Variants in ELFN2 observed in about 807,000 individuals in gnomAD.
ELFN2 encodes the protein extracellular leucine rich repeat and fibronectin type III domain containing 2, also known as protein phosphatase 1 regulatory subunit 29.
Under a neutral mutation model 45.5 loss-of-function variants are expected in ELFN2, and 17 were observed. The ratio of observed to expected loss-of-function variants is 0.37; its 90% CI spans 0.26 to 0.56. The LOEUF is 0.56. ELFN2 is among the 20% of genes least tolerant of loss of function. The probability of loss-of-function intolerance (pLI) is 0.77; values close to 1 mark genes in which losing one functional copy is unlikely to be tolerated. For missense variants in ELFN2, 922 were observed against 1,183.2 expected (o/e 0.78, Z 3.24); for synonymous variants, 550 against 551.5 (o/e 1.00, Z 0.04).
chr22:37,393,551 A>G (rs1482068133), intron 2 of ELFN2, among the ~76,000 whole-genome samples: 1 of 152,172 alleles, frequency 6.6e-6, no homozygotes, highest in Non-Finnish European at 1.5e-5. Flanking sequence ...AGTAATAATA[A>G]CAGCACCCAG....
chr22:37,386,472 G>T (rs932462095), intron 2 of ELFN2, among the ~76,000 whole-genome samples: 1 of 152,188 alleles, frequency 6.6e-6, no homozygotes, highest in South Asian at 2.1e-4. Context: ...AGCTTCTGTC[G>T]CTTCAGAACC....
At chr22:37,400,568 G>C (rs1183737388) in intron 2 of ELFN2, among the ~76,000 whole-genome samples, 5 of 152,172 alleles carry the variant, frequency 3.3e-5, no homozygotes, top group Non-Finnish European at 7.4e-5. Context: ...ACAGATGGGA[G>C]CCTGAGGCCT....
At chr22:37,342,749 G>A (rs918622507) in intron 1 of ELFN2, 1 of 150,840 alleles carries the variant, frequency 6.6e-6, no homozygotes, top group Non-Finnish European at 1.5e-5. Flanking sequence ...GCCAGTCTGT[G>A]GGCCCCTGAG....
At chr22:37,383,730 G>A (rs538542388) in intron 2 of ELFN2, among the ~76,000 whole-genome samples, 5 of 152,346 alleles carry the variant, frequency 3.3e-5, no homozygotes, top group East Asian at 1.9e-4. Flanking sequence ...CCCTGGGACA[G>A]ACAGATTTGC....
intron 2 of ELFN2, among the ~76,000 whole-genome samples, chr22:37,398,229 T>C (rs5750428): frequency 0.61 from 93,225 of 151,900 alleles, 28,890 homozygotes; most frequent in Middle Eastern, 0.68. Flanking sequence ...GCCGGGCACA[T>C]GGAGGGCCTC....
At chr22:37,366,938 C>T (rs1456141458), downstream of ELFN2, among the ~76,000 whole-genome samples, 1 of 152,192 alleles carries the variant, frequency 6.6e-6, no homozygotes, top group African/African-American at 2.4e-5. Flanking sequence ...CAGAGTACAA[C>T]CAACTCTTAA....
Position 37,375,286 on chromosome 22 carries a change from G to T in ELFN2, c.249C>A (p.Asp83Glu). The T allele has an allele frequency of 6.2e-7, 1 of 1,614,120 alleles. No homozygotes were observed. The highest frequency in any genetic ancestry group is 8.5e-7 in the Non-Finnish European group (1 of 1,180,024). ...AGATCTCGTTCTTGGTGAGGTTGAGGTCGGTGAGGTTCCCAAAGCGGTTGA... is the reference window on the plus strand; with the variant it reads ...AGATCTCGTTCTTGGTGAGGTTGAGTTCGGTGAGGTTCCCAAAGCGGTTGA... ...SSLNRFGNLT[D>E]LNLTKNEISY... The change falls in exon 3 of 3, where the codon GAC becomes GAA. Residue 83 changes from aspartate (D) to glutamate (E), a missense_variant. Around this residue, in one of 2 missense-constraint regions of ELFN2, gnomAD observed 358 missense variants for 540.4 expected, o/e 0.66. Transcript: ENST00000402918.
At position 37,373,050 on chromosome 22, in the gene ELFN2, T is replaced by C; in HGVS notation, c.*22A>G. 1 of 1,567,876 alleles carries C rather than the reference T, an allele frequency of 6.4e-7. No individual in the cohort carries two copies. The highest frequency in any genetic ancestry group is 8.7e-7 in the Non-Finnish European group (1 of 1,152,914). ...GGCCCCCAGCCCTCTGGCTCCGACC[T>C]CACCAGGGAGGAAGGGGGGGGTCAC... On this transcript the variant is annotated 3_prime_UTR_variant, in exon 3 of 3. Transcript: ENST00000402918.
chr22:37,373,363 C>T lies in ELFN2; in HGVS notation c.2172G>A (p.Leu724=). 6.2e-7 allele frequency: 1 copy of T among 1,612,754 alleles called. No homozygotes were observed. Among genetic ancestry groups the T allele is most frequent in the Non-Finnish European group, 8.5e-7 (1 of 1,179,832 alleles). ...ALYYEEGADS[L]SQRVSFLKPL... ...GCTTGAGGAAGGACACGCGCTGGCT[C>T]AGGCTGTCGGCACCCTCCTCGTAGT... The change falls in exon 3 of 3, where the codon CTG becomes CTA. Residue 724 remains leucine, a synonymous_variant. Coordinates refer to ENST00000402918, the MANE Select transcript of ELFN2 (RefSeq NM_052906.5).
intron 2 of ELFN2, among the ~76,000 whole-genome samples, chr22:37,390,958 C>T (rs1456433829): frequency 6.6e-6 from 1 of 152,196 alleles, no homozygotes; most frequent in Non-Finnish European, 1.5e-5. Flanking sequence ...GACAGTCAAG[C>T]GAGGGGCTAG....
At chr22:37,366,909 G>A (rs1931219005), downstream of ELFN2, among the ~76,000 whole-genome samples, 1 of 152,194 alleles carries the variant, frequency 6.6e-6, no homozygotes, top group Admixed American at 6.5e-5. Flanking sequence ...CCAGGCCCTG[G>A]GCCATCCCAG....
intron 1 of ELFN2, among the ~76,000 whole-genome samples, chr22:37,343,905 C>A (rs1288098909): frequency 2.0e-5 from 3 of 152,112 alleles, no homozygotes; most frequent in Non-Finnish European, 4.4e-5. Context: ...CCTCACACCC[C>A]CCTGGATCCC....
intron 2 of ELFN2, among the ~76,000 whole-genome samples, chr22:37,390,875 G>A (rs1461606863): frequency 6.6e-6 from 1 of 152,204 alleles, no homozygotes; most frequent in Non-Finnish European, 1.5e-5. Context: ...TGGCCCAGGG[G>A]GAGGCCCTGG....
At chr22:37,340,684 G>A (rs1930538995) in exon 3 of ELFN2, 1 of 152,360 alleles carries the variant, frequency 6.6e-6, no homozygotes, top group Non-Finnish European at 1.5e-5. Flanking sequence ...TGGAGAGCCA[G>A]GAGGCAGTGT....
At position 37,349,374 on chromosome 22, in the gene ELFN2, G is replaced by A. The variant is rs950159479; in HGVS notation, n.149-6671C>T. Among the ~76,000 whole-genome samples the A allele has an allele frequency of 1.1e-4, 17 of 151,134 alleles. 1 individual carries two copies. The highest frequency in any genetic ancestry group is 4.5e-5 in the Non-Finnish European group (3 of 67,312). On this transcript the variant is annotated intron_variant and non_coding_transcript_variant, in intron 1 of 2. Coordinates refer to ENST00000452946, the Ensembl canonical transcript of ELFN2. The stretch of plus-strand genomic sequence containing the variant: ...AGCCCTGGGGATCCACGGTGCCCCC[G>A]GCCCAGATTCCCTGCACCTGCCCCA...
chr22:37,408,652 A>G (rs1355199537), intron 2 of ELFN2, among the ~76,000 whole-genome samples: 1 of 152,230 alleles, frequency 6.6e-6, no homozygotes. Flanking sequence ...GCTCTGCCCA[A>G]TAACTGGCCT....
chr22:37,405,879 G>T (rs1287874773), intron 2 of ELFN2, among the ~76,000 whole-genome samples: 2 of 151,916 alleles, frequency 1.3e-5, no homozygotes, highest in Non-Finnish European at 2.9e-5. Context: ...GCTCGCGCTT[G>T]TCATCTGAGC....
chr22:37,379,538 CTT>C (rs536394851), intron 2 of ELFN2, among the ~76,000 whole-genome samples: 1 of 152,338 alleles, frequency 6.6e-6, no homozygotes, highest in African/African-American at 2.4e-5. Flanking sequence ...CACCAGCTCT[CTT>C]TAAGGGGCAC....
intron 1 of ELFN2, among the ~76,000 whole-genome samples, chr22:37,419,271 T>C (rs904230886): frequency 2.6e-5 from 4 of 151,394 alleles, no homozygotes; most frequent in African/African-American, 9.7e-5. Flanking sequence ...GAGCACACAA[T>C]TGACCCTCAG....
Sources: allele counts gnomAD v4.1 joint callset (sites outside exome capture counted in the v4.1 genomes callset), GRCh38; gene constraint gnomAD v4.1.1; regional missense constraint gnomAD v4.1.1; transcripts MANE v1.5; gene names NCBI Gene and HGNC (gene_info 2026-07-23, HGNC 2026-07-21).